Variants in CLSTN2 observed in about 807,000 individuals in gnomAD.
The protein encoded by CLSTN2 is calsyntenin-2.
CLSTN2 carries 48 observed loss-of-function variants against 101.2 expected under a neutral mutation model. The ratio of observed to expected loss-of-function variants is 0.47; its 90% CI spans 0.38 to 0.60. The LOEUF (loss-of-function observed/expected upper bound fraction) is 0.60. Ranked by LOEUF, CLSTN2 falls within the 20% of genes least tolerant of loss-of-function variation. The pLI is 0.00. For missense variants in CLSTN2, 1,160 were observed against 1,238.2 expected (o/e 0.94, Z 0.95); for synonymous variants, 481 against 463.6 (o/e 1.04, Z -0.48).
At chr3:140,430,233 A>G (rs766469015) in intron 5 of CLSTN2, among the ~76,000 whole-genome samples, 1 of 152,114 alleles carries the variant, frequency 6.6e-6, no homozygotes, top group Non-Finnish European at 1.5e-5. Flanking sequence ...CCACCATTGC[A>G]GTACCAACCT....
At chr3:140,141,027 C>A (rs997439147) in intron 1 of CLSTN2, among the ~76,000 whole-genome samples, 2 of 152,208 alleles carry the variant, frequency 1.3e-5, no homozygotes, top group Non-Finnish European at 2.9e-5. Flanking sequence ...ACATAAGACA[C>A]CTTCTGTGGA....
chr3:140,555,327 C>T (rs1207111975), intron 10 of CLSTN2, among the ~76,000 whole-genome samples: 1 of 152,184 alleles, frequency 6.6e-6, no homozygotes, highest in Non-Finnish European at 1.5e-5. Flanking sequence ...TACCATAAGT[C>T]ATACGATCAA....
chr3:140,363,698 T>C (rs1405569696), intron 2 of CLSTN2, among the ~76,000 whole-genome samples: 3 of 152,018 alleles, frequency 2.0e-5, no homozygotes, highest in Non-Finnish European at 4.4e-5. Flanking sequence ...AGGATGGTGG[T>C]GAAAATGTGG....
At chr3:139,941,550 T>C (rs1392209638) in intron 1 of CLSTN2, among the ~76,000 whole-genome samples, 1 of 152,150 alleles carries the variant, frequency 6.6e-6, no homozygotes. Context: ...CTTGGTGACT[T>C]ATGGGAAAAT....
In CLSTN2 at chr3:140,258,713, C is replaced by T. The variant is rs539114787; in HGVS notation, c.232+82640C>T. 6.6e-4 allele frequency among the ~76,000 whole-genome samples: 100 copies of T among 152,204 alleles called. 1 individual carries two copies. Among genetic ancestry groups the T allele is most frequent in the Middle Eastern group, 6.8e-3 (2 of 294 alleles). ...AAACTTCATCTTAATATCTTTGAAC[C>T]GTTTTTTATGGGGCACAAGACCTCT... is the stretch of plus-strand genomic sequence containing the variant. On this transcript the variant is annotated intron_variant, in intron 2 of 16. Transcript: ENST00000458420.
At chr3:140,463,109 C>G (rs1451192091) in intron 7 of CLSTN2, among the ~76,000 whole-genome samples, 1 of 152,192 alleles carries the variant, frequency 6.6e-6, no homozygotes, top group East Asian at 1.9e-4. Flanking sequence ...GTTTACCTCT[C>G]CATTCCTCCC....
At chr3:140,372,518 T>C (rs919784580) in intron 2 of CLSTN2, among the ~76,000 whole-genome samples, 2 of 152,134 alleles carry the variant, frequency 1.3e-5, no homozygotes, top group Admixed American at 6.5e-5. Context: ...CATTAGGCGA[T>C]GTGGTGTTGC....
At chr3:140,230,414 G>T (rs1400810276) in intron 2 of CLSTN2, among the ~76,000 whole-genome samples, 1 of 152,196 alleles carries the variant, frequency 6.6e-6, no homozygotes, top group Non-Finnish European at 1.5e-5. Context: ...AATATGGCCT[G>T]TATGTTCTGA....
intron 1 of CLSTN2, among the ~76,000 whole-genome samples, chr3:140,062,387 G>A (rs544580935): frequency 5.3e-5 from 8 of 152,246 alleles, no homozygotes; most frequent in Non-Finnish European, 1.0e-4. Context: ...TTATCTTTCT[G>A]AGCTGCTCAA....
At chr3:140,269,436 A>G (rs1166236960) in intron 2 of CLSTN2, among the ~76,000 whole-genome samples, 3 of 152,240 alleles carry the variant, frequency 2.0e-5, no homozygotes, top group Non-Finnish European at 4.4e-5. Flanking sequence ...ACTCAGATAC[A>G]TACCTGCTGG....
chr3:140,133,752 A>G (rs1488870687), intron 1 of CLSTN2, among the ~76,000 whole-genome samples: 1 of 152,218 alleles, frequency 6.6e-6, no homozygotes, highest in Non-Finnish European at 1.5e-5. Context: ...CATGCAAGGT[A>G]CTCAATGCAG....
At chr3:140,480,490 TTTCTAG>T (rs1452094457) in intron 8 of CLSTN2, among the ~76,000 whole-genome samples, 1 of 152,240 alleles carries the variant, frequency 6.6e-6, no homozygotes, top group East Asian at 1.9e-4. Flanking sequence ...CAAATGGTAA[TTTCTAG>T]TTCTAGATCC....
At chr3:140,546,416 C>A in intron 9 of CLSTN2, 99 bp from the exon 10 acceptor site, 2 of 1,267,970 alleles carry the variant, frequency 1.6e-6, no homozygotes, top group Non-Finnish European at 2.2e-6. Flanking sequence ...TCAGGGGACA[C>A]ACAATCAAGG....
intron 8 of CLSTN2, among the ~76,000 whole-genome samples, chr3:140,475,412 T>G (rs1297076814): frequency 6.6e-6 from 1 of 152,356 alleles, no homozygotes; most frequent in East Asian, 1.9e-4. Flanking sequence ...TTATTTAACA[T>G]TACATCCTGA....
At chr3:140,491,429 A>G (rs768297238) in intron 8 of CLSTN2, among the ~76,000 whole-genome samples, 15 of 152,242 alleles carry the variant, frequency 9.9e-5, no homozygotes, top group Non-Finnish European at 2.2e-4. Flanking sequence ...ACTTGAATGA[A>G]CTTTTAAAAA....
chr3:140,373,451 C>T lies in CLSTN2; in HGVS notation c.233-30178C>T, dbSNP rs537249917. On this transcript the variant is annotated intron_variant, in intron 2 of 16. Coordinates refer to ENST00000458420, the MANE Select transcript of CLSTN2 (RefSeq NM_022131.3). ...GATCAGATTTCTGCCTTGCTGCACT[C>T]TCACAAAAGGTGCATTCTGAGTGCT... Among the ~76,000 whole-genome samples, 4 of 152,362 alleles carry T rather than the reference C, an allele frequency of 2.6e-5. No homozygotes were observed. The South Asian group carries it at 8.3e-4, about 32-fold the overall frequency.
intron 8 of CLSTN2, among the ~76,000 whole-genome samples, chr3:140,510,599 C>T (rs890532381): frequency 6.6e-6 from 1 of 152,188 alleles, no homozygotes; most frequent in African/African-American, 2.4e-5. Context: ...TTGACACAGG[C>T]TACTTTTCAG....
chr3:140,483,562 T>C (rs1934173081), intron 8 of CLSTN2, among the ~76,000 whole-genome samples: 1 of 152,140 alleles, frequency 6.6e-6, no homozygotes, highest in South Asian at 2.1e-4. Flanking sequence ...CTCCCATTAT[T>C]ATTGTGTGGG....
intron 5 of CLSTN2, among the ~76,000 whole-genome samples, chr3:140,430,684 G>A (rs1480942437): frequency 1.3e-5 from 2 of 152,316 alleles, no homozygotes; most frequent in South Asian, 2.1e-4. Flanking sequence ...GTGATTAGAT[G>A]CGTAGCAAAG....
Sources: gnomAD v4.1 joint callset for allele counts (sites outside exome capture counted in the v4.1 genomes callset) on GRCh38, gnomAD v4.1.1 for gene constraint, MANE v1.5 for transcripts, NCBI Gene and HGNC (gene_info 2026-07-23, HGNC 2026-07-21) for gene names.